PDGFD: variants seen among roughly 807,000 people sequenced by gnomAD.
PDGFD encodes platelet-derived growth factor D.
In PDGFD, 30 loss-of-function variants were observed where a neutral mutation model predicts 44.7. The observed-to-expected ratio is 0.67, with a 90% CI of 0.50 to 0.91. PDGFD has a LOEUF of 0.91. Among genes scored for constraint, PDGFD ranks in the 40% least tolerant of loss-of-function variants. PDGFD has a pLI of 0.00. For synonymous variants in PDGFD, 173 were observed against 168.4 expected (o/e 1.03, Z -0.21); for missense variants, 445 against 457.8 (o/e 0.97, Z 0.25).
intron 1 of PDGFD, among the ~76,000 whole-genome samples, chr11:104,081,155 T>G (rs978009683): frequency 6.6e-6 from 1 of 152,194 alleles, no homozygotes; most frequent in African/African-American, 2.4e-5. Flanking sequence ...AAATACCAAA[T>G]GAGAGTCTAG....
chr11:104,074,961 A>G (rs1860934371), intron 1 of PDGFD, among the ~76,000 whole-genome samples: 1 of 152,240 alleles, frequency 6.6e-6, no homozygotes, highest in East Asian at 1.9e-4. Context: ...TAAAATAAAC[A>G]ACTAAGCAAA....
intron 1 of PDGFD, among the ~76,000 whole-genome samples, chr11:104,129,766 T>C (rs361297): frequency 0.025 from 3,860 of 152,138 alleles, 178 homozygotes; most frequent in African/African-American, 0.088. Context: ...CCCAGCACTT[T>C]GGGAGGCTGA....
intron 1 of PDGFD, among the ~76,000 whole-genome samples, chr11:104,146,647 G>A (rs565485092): frequency 2.6e-5 from 4 of 152,244 alleles, no homozygotes; most frequent in Admixed American, 1.3e-4. Flanking sequence ...GCCAATCAAG[G>A]GGATGGGCCT....
At chr11:104,094,260 G>T (rs1861251601) in intron 1 of PDGFD, among the ~76,000 whole-genome samples, 1 of 151,822 alleles carries the variant, frequency 6.6e-6, no homozygotes, top group South Asian at 2.1e-4. Flanking sequence ...CCCTCCTTCA[G>T]CAACAGCTGC....
At chr11:104,056,376 A>T (rs1448810644) in intron 1 of PDGFD, among the ~76,000 whole-genome samples, 1 of 152,176 alleles carries the variant, frequency 6.6e-6, no homozygotes, top group Non-Finnish European at 1.5e-5. Flanking sequence ...ATGGGACCCT[A>T]TTTGGAAATG....
At chr11:104,129,436 C>T (rs568181738) in intron 1 of PDGFD, among the ~76,000 whole-genome samples, 1 of 152,076 alleles carries the variant, frequency 6.6e-6, no homozygotes, top group African/African-American at 2.4e-5. Context: ...AGCAGACACA[C>T]AGAAATAAAT....
At chr11:104,125,200 G>A (rs144110682) in intron 1 of PDGFD, among the ~76,000 whole-genome samples, 78 of 152,232 alleles carry the variant, frequency 5.1e-4, no homozygotes, top group African/African-American at 1.9e-3. Flanking sequence ...CTCCTTCACA[G>A]CATGGCTCAG....
chr11:104,025,231 A>G (rs1860024472), intron 1 of PDGFD, among the ~76,000 whole-genome samples: 4 of 152,224 alleles, frequency 2.6e-5, no homozygotes. Flanking sequence ...ATTTAGAGCA[A>G]CAGTTGAGAA....
intron 1 of PDGFD, among the ~76,000 whole-genome samples, chr11:104,002,130 G>A (rs1346324154): frequency 3.9e-5 from 6 of 152,112 alleles, no homozygotes; most frequent in South Asian, 2.1e-4. Flanking sequence ...CCTAGGAGAC[G>A]AAAATCATTT....
At position 104,091,947 on chromosome 11, in the gene PDGFD, C is replaced by A. The variant is rs1311514836; in HGVS notation, c.124+71857G>T. 7.2e-5 allele frequency among the ~76,000 whole-genome samples: 11 copies of A among 152,280 alleles called. No homozygotes were observed. The East Asian group carries it at 2.1e-3, about 29-fold the overall frequency. On this transcript the variant is annotated intron_variant, in intron 1 of 6. Transcript: ENST00000393158. ...GCTGACATTATATAAACACCCCCAG[C>A]AAATGTTAAACAAACCTCATACGTG... is the stretch of plus-strand genomic sequence containing the variant.
chr11:103,988,486 AAC>A (rs949073610), intron 3 of PDGFD, among the ~76,000 whole-genome samples: 1 of 152,132 alleles, frequency 6.6e-6, no homozygotes, highest in African/African-American at 2.4e-5. Flanking sequence ...TATTATTTCA[AAC>A]ACTGCTTGTG....
intron 1 of PDGFD, among the ~76,000 whole-genome samples, chr11:104,040,904 T>G (rs930964679): frequency 6.6e-6 from 1 of 152,084 alleles, no homozygotes; most frequent in Non-Finnish European, 1.5e-5. Flanking sequence ...AATTATATTT[T>G]ATGTATCCCA....
chr11:104,138,360 G>T (rs1401817446), intron 1 of PDGFD, among the ~76,000 whole-genome samples: 1 of 152,140 alleles, frequency 6.6e-6, no homozygotes, highest in African/African-American at 2.4e-5. Context: ...CATCACAAAA[G>T]ATTTCACTAT....
At chr11:104,018,494 A>G (rs1859896197) in intron 1 of PDGFD, among the ~76,000 whole-genome samples, 1 of 152,146 alleles carries the variant, frequency 6.6e-6, no homozygotes, top group Non-Finnish European at 1.5e-5. Context: ...TGCAGTTTCG[A>G]AGTCAGAATT....
chr11:104,057,372 T>G (rs1860637049), intron 1 of PDGFD, among the ~76,000 whole-genome samples: 1 of 152,068 alleles, frequency 6.6e-6, no homozygotes, highest in Admixed American at 6.5e-5. Context: ...ATATCATAAT[T>G]TATACAAAAA....
chr11:104,081,421 T>C (rs1861043643), intron 1 of PDGFD, among the ~76,000 whole-genome samples: 1 of 152,206 alleles, frequency 6.6e-6, no homozygotes, highest in Non-Finnish European at 1.5e-5. Flanking sequence ...TGAAATATTT[T>C]CTGAATCATC....
At chr11:104,067,653 T>C (rs1441665187) in intron 1 of PDGFD, among the ~76,000 whole-genome samples, 1 of 152,130 alleles carries the variant, frequency 6.6e-6, no homozygotes, top group African/African-American at 2.4e-5. Context: ...GCCAGGATAA[T>C]TCCAAAAAAT....
At chr11:103,925,704 G>GACACAC (rs541658858) in intron 6 of PDGFD, among the ~76,000 whole-genome samples, 2 of 106,110 alleles carry the variant, frequency 1.9e-5, no homozygotes, top group African/African-American at 7.6e-5. Context: ...TATATACACA[G>GACACAC]ACACACACAC....
intron 1 of PDGFD, among the ~76,000 whole-genome samples, chr11:104,041,998 T>C (rs1182700827): frequency 6.6e-6 from 1 of 152,224 alleles, no homozygotes; most frequent in Non-Finnish European, 1.5e-5. Flanking sequence ...TCTGGGATTC[T>C]CACTAGGAAA....
Sources: gnomAD v4.1 joint callset for allele counts (sites outside exome capture counted in the v4.1 genomes callset) on GRCh38, gnomAD v4.1.1 for gene constraint, MANE v1.5 for transcripts, NCBI Gene and HGNC (gene_info 2026-07-23, HGNC 2026-07-21) for gene names.